The following ARMC2 variants were observed in gnomAD, a reference collection of about 807,000 sequenced individuals.
ARMC2 encodes the protein armadillo repeat-containing protein 2.
ARMC2 carries 67 observed loss-of-function variants against 90.3 expected under a neutral mutation model. That is an observed-to-expected ratio of 0.74 (90% CI 0.61 to 0.91). ARMC2 has a LOEUF of 0.91. ARMC2 is among the 40% of genes least tolerant of loss of function. The pLI is 0.00. For synonymous variants in ARMC2, 393 were observed against 393.0 expected, an observed-to-expected ratio of 1.00 and a Z score of 0.00; for missense variants, 920 against 1,030.9, an observed-to-expected ratio of 0.89 and a Z score of 1.47.
intron 13 of ARMC2, among the ~76,000 whole-genome samples, chr6:108,959,885 C>T (rs111631633): frequency 0.028 from 4,297 of 152,032 alleles, 201 homozygotes; most frequent in African/African-American, 0.098. Context: ...GGGGTTTCAC[C>T]ATGTTGTCCA....
chr6:109,013,159 A>T, the ARMC2 span, among the ~76,000 whole-genome samples: 9 of 151,990 alleles, frequency 5.9e-5, no homozygotes, highest in African/African-American at 2.2e-4. Context: ...AAGAATACGG[A>T]TTTCATTCTT....
At chr6:109,004,994 A>G in the ARMC2 span, among the ~76,000 whole-genome samples, 2 of 152,208 alleles carry the variant, frequency 1.3e-5, no homozygotes, top group Admixed American at 6.5e-5. Flanking sequence ...TATTACTACA[A>G]CCGCTAGGAA....
chr6:108,907,263 AT>A (rs1278182729), intron 8 of ARMC2, among the ~76,000 whole-genome samples: 3 of 151,942 alleles, frequency 2.0e-5, no homozygotes, highest in Non-Finnish European at 4.4e-5. Context: ...AGTTGTATTC[AT>A]TTTTTTCATG....
At chr6:109,001,523 G>C in the ARMC2 span, 3 of 1,577,894 alleles carry the variant, frequency 1.9e-6, no homozygotes, top group Middle Eastern at 3.3e-4. Context: ...TTACTGAAAT[G>C]GTAAATTGGT....
the ARMC2 span, among the ~76,000 whole-genome samples, chr6:109,017,113 A>T: frequency 6.6e-6 from 1 of 152,140 alleles, no homozygotes; most frequent in African/African-American, 2.4e-5. Flanking sequence ...TTCGTCTATA[A>T]TTCAATAGAC....
chr6:108,889,153 T>C (rs1258298329), intron 5 of ARMC2, among the ~76,000 whole-genome samples: 1 of 152,158 alleles, frequency 6.6e-6, no homozygotes, highest in Non-Finnish European at 1.5e-5. Flanking sequence ...TCTTTTATTA[T>C]TATTATTTTT....
intron 3 of ARMC2, among the ~76,000 whole-genome samples, chr6:108,864,664 G>A (rs1775628322): frequency 6.6e-6 from 1 of 152,152 alleles, no homozygotes; most frequent in Admixed American, 6.5e-5. Context: ...ACCTTTCTGG[G>A]GTGAGATGTC....
the ARMC2 span, among the ~76,000 whole-genome samples, chr6:109,004,312 G>A: frequency 4.0e-5 from 6 of 151,854 alleles, no homozygotes; most frequent in Non-Finnish European, 5.9e-5. Flanking sequence ...CTTTCACATG[G>A]GAAAAATAAA....
At position 108,973,816 on chromosome 6, in the gene ARMC2, C is replaced by G; in HGVS notation, c.*302C>G. 4.5e-6 allele frequency: 1 copy of G among 221,982 alleles called. No individual in the cohort carries two copies. Among genetic ancestry groups the G allele is most frequent in the Non-Finnish European group, 9.0e-6 (1 of 111,394 alleles). 13.8% of individuals were successfully genotyped at this position (221,982 alleles called of 1,614,324 possible). The stretch of plus-strand genomic sequence containing the variant: ...AACAATTTAGTTCTAGTCTTAAAAT[C>G]TTGATTTAACAATTTTGGAATTGAA... On this transcript the variant is annotated 3_prime_UTR_variant, in exon 18 of 18. Coordinates refer to ENST00000392644, the MANE Select transcript of ARMC2 (RefSeq NM_032131.6).
chr6:108,943,638 G>A (rs1199664575), intron 12 of ARMC2, among the ~76,000 whole-genome samples: 1 of 151,822 alleles, frequency 6.6e-6, no homozygotes, highest in Non-Finnish European at 1.5e-5. Flanking sequence ...GGGCAACATG[G>A]TAAAACTCTG....
chr6:108,915,991 G>A (rs1461534092), intron 10 of ARMC2, among the ~76,000 whole-genome samples: 1 of 152,186 alleles, frequency 6.6e-6, no homozygotes. Flanking sequence ...CATTGCTGCA[G>A]TTAGATTTTA....
the ARMC2 span, chr6:109,008,873 A>G: frequency 2.0e-6 from 2 of 985,926 alleles, no homozygotes; most frequent in African/African-American, 3.5e-5. Flanking sequence ...CCTGAGTCAA[A>G]TGTGTTTTTT....
chr6:108,878,937 C>A (rs987666295), intron 5 of ARMC2, among the ~76,000 whole-genome samples: 26 of 151,926 alleles, frequency 1.7e-4, no homozygotes, highest in African/African-American at 4.8e-4. Flanking sequence ...ACATATCTAC[C>A]CATACATCCA....
At chr6:108,922,272 T>A (rs1774653773) in intron 10 of ARMC2, among the ~76,000 whole-genome samples, 2 of 148,784 alleles carry the variant, frequency 1.3e-5, no homozygotes, top group Non-Finnish European at 3.0e-5. Flanking sequence ...CCCCCCACCC[T>A]TTTTTTTTTC....
intron 8 of ARMC2, among the ~76,000 whole-genome samples, chr6:108,910,191 C>T (rs891708520): frequency 2.6e-5 from 4 of 152,086 alleles, no homozygotes; most frequent in African/African-American, 4.8e-5. Flanking sequence ...CTTGGCTGGG[C>T]GTGGTGGCTC....
chr6:109,044,346 A>G, the ARMC2 span, among the ~76,000 whole-genome samples: 2 of 146,068 alleles, frequency 1.4e-5, no homozygotes, highest in Non-Finnish European at 3.0e-5. Context: ...AAAAAAAAAA[A>G]AAAGGAGTAC....
At chr6:108,990,981 C>T in the ARMC2 span, 7 of 625,902 alleles carry the variant, frequency 1.1e-5, no homozygotes, top group Middle Eastern at 4.5e-4. Flanking sequence ...ACTTACACTC[C>T]AATCTTTTTT....
At chr6:108,862,488 A>G (rs755146831) in intron 3 of ARMC2, among the ~76,000 whole-genome samples, 16 of 152,240 alleles carry the variant, frequency 1.1e-4, no homozygotes, top group Admixed American at 3.9e-4. Context: ...GGTCTTAAGT[A>G]CATTTCATTT....
At chr6:109,020,911 T>C in the ARMC2 span, among the ~76,000 whole-genome samples, 2 of 152,216 alleles carry the variant, frequency 1.3e-5, no homozygotes, top group South Asian at 2.1e-4. Context: ...CATTTGATGG[T>C]TGTAGTTCCC....
Sources: allele counts gnomAD v4.1 joint callset (sites outside exome capture counted in the v4.1 genomes callset), GRCh38; gene constraint gnomAD v4.1.1; transcripts MANE v1.5; gene names NCBI Gene and HGNC (gene_info 2026-07-23, HGNC 2026-07-21).